SNTG2: variants seen among roughly 807,000 people sequenced by gnomAD.
The protein encoded by SNTG2 is syntrophin gamma 2, also known as gamma-2-syntrophin.
A neutral mutation model predicts 70.9 loss-of-function variants in SNTG2; 74 were observed. The observed-to-expected ratio is 1.04, with a 90% CI of 0.86 to 1.27. The LOEUF (loss-of-function observed/expected upper bound fraction) is 1.27, where lower values mean the gene tolerates loss of function less well. Ranked by LOEUF, SNTG2 falls within the 50% of genes most tolerant of loss-of-function variation. The probability of loss-of-function intolerance (pLI) is 0.00; values close to 1 mark genes in which losing one functional copy is unlikely to be tolerated. For synonymous variants in SNTG2, 278 were observed against 273.8 expected, an observed-to-expected ratio of 1.02 and a Z score of -0.15; for missense variants, 717 against 690.7, an observed-to-expected ratio of 1.04 and a Z score of -0.43.
In SNTG2 at chr2:1,005,371, G is replaced by A. The variant is rs777960520; in HGVS notation, c.72+54303G>A. On this transcript the variant is annotated intron_variant, in intron 1 of 16. Coordinates refer to ENST00000308624, the MANE Select transcript of SNTG2 (RefSeq NM_018968.4). ...TAGGTTCACCAATGATAACAAATGCGCCACCTGGGGGATGTTGATAATGAA... is the reference window on the plus strand; with the variant it reads ...TAGGTTCACCAATGATAACAAATGCACCACCTGGGGGATGTTGATAATGAA... Among the ~76,000 whole-genome samples, 11 of 151,936 alleles carry A rather than the reference G, an allele frequency of 7.2e-5. No homozygotes were observed. In the East Asian group the frequency reaches 1.2e-3, roughly 16 times the overall value.
intron 9 of SNTG2, among the ~76,000 whole-genome samples, chr2:1,219,554 T>C (rs529889235): frequency 6.6e-6 from 1 of 152,202 alleles, no homozygotes; most frequent in African/African-American, 2.4e-5. Flanking sequence ...TGCAACTCTT[T>C]ACAGGAGGAA....
intron 16 of SNTG2, among the ~76,000 whole-genome samples, chr2:1,336,454 TGTTTA>T (rs1659821477): frequency 6.6e-6 from 1 of 152,220 alleles, no homozygotes; most frequent in South Asian, 2.1e-4. Flanking sequence ...GTGCGGACAC[TGTTTA>T]GTTCAATGGA....
chr2:1,340,745 C>T (rs1350521960), intron 16 of SNTG2, among the ~76,000 whole-genome samples: 4 of 152,096 alleles, frequency 2.6e-5, no homozygotes, highest in Non-Finnish European at 5.9e-5. Context: ...GCTATTATTT[C>T]ACATTTTTTC....
intron 4 of SNTG2, among the ~76,000 whole-genome samples, chr2:1,114,980 G>A (rs1666843389): frequency 6.6e-6 from 1 of 151,552 alleles, no homozygotes; most frequent in African/African-American, 2.4e-5. Flanking sequence ...TGTGTATTAA[G>A]TGAGGTTTAA....
chr2:1,181,562 C>T (rs548545054), intron 8 of SNTG2, among the ~76,000 whole-genome samples: 5 of 152,286 alleles, frequency 3.3e-5, no homozygotes, highest in African/African-American at 7.2e-5. Flanking sequence ...CCTCTGACCC[C>T]TGCTGCATTA....
chr2:1,237,842 G>T (rs549616961), intron 9 of SNTG2, 46 bp from the exon 10 acceptor site: 1 of 1,559,238 alleles, frequency 6.4e-7, no homozygotes, highest in Non-Finnish European at 8.7e-7. Flanking sequence ...AGGCAGGCCC[G>T]CTCCCGTCGC....
chr2:1,221,751 CTGTG>C (rs1175883762), intron 9 of SNTG2, among the ~76,000 whole-genome samples: 1 of 12,488 alleles, frequency 8.0e-5, no homozygotes, highest in Non-Finnish European at 1.5e-4. Context: ...CTGTCTCTGT[CTGTG>C]TCTCTCTCTG....
At chr2:1,277,507 A>G (rs1679316931) in intron 14 of SNTG2, among the ~76,000 whole-genome samples, 1 of 152,252 alleles carries the variant, frequency 6.6e-6, no homozygotes, top group Non-Finnish European at 1.5e-5. Context: ...TGCTTTGCAT[A>G]CTTCATAGAT....
intron 2 of SNTG2, among the ~76,000 whole-genome samples, chr2:1,096,155 T>A (rs529876842): frequency 6.8e-4 from 103 of 152,102 alleles, no homozygotes; most frequent in Non-Finnish European, 1.4e-3. Flanking sequence ...ATAGAGGATA[T>A]CCTTGGAAAC....
At chr2:1,192,449 A>T (rs1012923321) in intron 8 of SNTG2, among the ~76,000 whole-genome samples, 14 of 152,158 alleles carry the variant, frequency 9.2e-5, no homozygotes, top group Admixed American at 2.6e-4. Flanking sequence ...TAGGAAAATA[A>T]CTATGTGGTG....
intron 14 of SNTG2, among the ~76,000 whole-genome samples, chr2:1,288,611 G>A (rs1679864184): frequency 6.6e-6 from 1 of 151,682 alleles, no homozygotes; most frequent in African/African-American, 2.4e-5. Flanking sequence ...ACATACATAA[G>A]CATACATACA....
intron 4 of SNTG2, among the ~76,000 whole-genome samples, chr2:1,132,902 G>T (rs1668121650): frequency 6.6e-6 from 1 of 152,194 alleles, no homozygotes; most frequent in South Asian, 2.1e-4. Flanking sequence ...TTTCTCTACA[G>T]TTTGGCCACA....
chr2:1,240,652 A>G (rs960058166), intron 11 of SNTG2, among the ~76,000 whole-genome samples: 12 of 152,258 alleles, frequency 7.9e-5, no homozygotes, highest in African/African-American at 2.9e-4. Flanking sequence ...ATTTGAATTC[A>G]CGATGGAGGA....
At chr2:1,019,956 T>A (rs1388777902) in intron 1 of SNTG2, among the ~76,000 whole-genome samples, 2 of 152,032 alleles carry the variant, frequency 1.3e-5, no homozygotes, top group African/African-American at 4.8e-5. Context: ...GGTAGGAGAA[T>A]TGCTTGAACT....
At chr2:965,674 T>C (rs1457163277) in intron 1 of SNTG2, among the ~76,000 whole-genome samples, 1 of 152,036 alleles carries the variant, frequency 6.6e-6, no homozygotes, top group African/African-American at 2.4e-5. Context: ...GGGTGTCAGC[T>C]GCCCAGTGTG....
intron 6 of SNTG2, among the ~76,000 whole-genome samples, chr2:1,153,608 C>T (rs148378966): frequency 6.6e-6 from 1 of 152,290 alleles, no homozygotes; most frequent in Non-Finnish European, 1.5e-5. Context: ...TGTCTAAGTG[C>T]ATAGAGTGAC....
At chr2:1,318,030 G>T (rs1239916672) in intron 16 of SNTG2, among the ~76,000 whole-genome samples, 1 of 152,188 alleles carries the variant, frequency 6.6e-6, no homozygotes, top group Non-Finnish European at 1.5e-5. Flanking sequence ...GTGATAAATT[G>T]ACTATAATAT....
At position 1,093,079 on chromosome 2, in the gene SNTG2, C is replaced by G. The variant is rs1013191224; in HGVS notation, c.211-5117C>G. The stretch of plus-strand genomic sequence containing the variant: ...CTGAATTTGTTCCTTTGGTGAGTCC[C>G]TGGAGCCCCTGAGTATGGTAAGTGA... On this transcript the variant is annotated intron_variant, in intron 2 of 16. Transcript: ENST00000308624. Among the ~76,000 whole-genome samples the G allele has an allele frequency of 3.9e-5, 6 of 152,232 alleles. No homozygotes were observed. In the East Asian group the frequency reaches 1.2e-3, roughly 29 times the overall value.
At chr2:1,121,775 A>C (rs956763243) in intron 4 of SNTG2, among the ~76,000 whole-genome samples, 2 of 152,148 alleles carry the variant, frequency 1.3e-5, no homozygotes, top group South Asian at 2.1e-4. Flanking sequence ...CCCATGATCC[A>C]ATCACCTCCA....
Sources: allele counts gnomAD v4.1 joint callset (sites outside exome capture counted in the v4.1 genomes callset), GRCh38; gene constraint gnomAD v4.1.1; transcripts MANE v1.5; gene names NCBI Gene and HGNC (gene_info 2026-07-23, HGNC 2026-07-21).